Variants in CCNJL observed in about 807,000 individuals in gnomAD.
The protein encoded by CCNJL is cyclin-J-like protein.
A neutral mutation model predicts 33.4 loss-of-function variants in CCNJL; 33 were observed. That is an observed-to-expected ratio of 0.99 (90% CI 0.75 to 1.32). The LOEUF (loss-of-function observed/expected upper bound fraction) is 1.32, where lower values mean the gene tolerates loss of function less well. CCNJL is among the 40% of genes most tolerant of loss of function. The pLI is 0.00. For synonymous variants in CCNJL, 227 were observed against 220.9 expected, an observed-to-expected ratio of 1.03 and a Z score of -0.24; for missense variants, 512 against 499.7, an observed-to-expected ratio of 1.02 and a Z score of -0.23.
At chr5:160,280,424 G>T in intron 3 of CCNJL, 101 bp downstream of exon 3, 1 of 938,312 alleles carries the variant, frequency 1.1e-6, no homozygotes, top group East Asian at 2.4e-5. Context: ...CATATAAGAC[G>T]TGCAAAGATC....
At chr5:160,335,089 C>T (rs1411279604) in intron 1 of CCNJL, among the ~76,000 whole-genome samples, 3 of 152,302 alleles carry the variant, frequency 2.0e-5, no homozygotes, top group South Asian at 4.2e-4. Flanking sequence ...ATGGTGAAAT[C>T]CCATCTCTAC....
At chr5:160,273,325 C>T (rs1451192339) in intron 3 of CCNJL, among the ~76,000 whole-genome samples, 1 of 152,218 alleles carries the variant, frequency 6.6e-6, no homozygotes, top group East Asian at 1.9e-4. Flanking sequence ...ATTATAACTT[C>T]TGCCTGAACA....
intron 5 of CCNJL, 54 bp from the exon 6 acceptor site, chr5:160,253,852 G>C: frequency 7.3e-7 from 1 of 1,367,860 alleles, no homozygotes; most frequent in Non-Finnish European, 9.9e-7. Context: ...CCAGATGCCT[G>C]TGTGTGTCTC....
rs762796829 is a variant in CCNJL at position 160,311,896 on chromosome 5, G to A, written c.28C>T (p.Arg10Cys). Reference sequence around the variant, plus strand: ...GTGCAGTGGACGTCCGAGGCGACGCGCCCTTCCCACCACGGCTCATCCATC... The same window carrying A: ...GTGCAGTGGACGTCCGAGGCGACGCACCCTTCCCACCACGGCTCATCCATC... MMDEPWWEG[R>C]VASDVHCTLR... The change falls in exon 2 of 6, where the codon CGC becomes TGC. Residue 10 changes from arginine (R) to cysteine (C), a missense_variant. Arg to Cys is a radical substitution (Grantham distance 180). Coordinates refer to ENST00000257536, the MANE Select transcript of CCNJL (RefSeq NM_001308173.3). The A allele has an allele frequency of 6.2e-6, 10 of 1,614,160 alleles. No homozygotes were observed. The highest frequency in any genetic ancestry group is 8.5e-6 in the Non-Finnish European group (10 of 1,179,986).
At chr5:160,258,722 G>A in intron 4 of CCNJL, 1 of 700,020 alleles carries the variant, frequency 1.4e-6, no homozygotes, top group Non-Finnish European at 2.6e-6. Flanking sequence ...AAAAAAGACA[G>A]AGTCTCGCTC....
At chr5:160,322,784 C>CTGTA (rs888315458) in intron 1 of CCNJL, among the ~76,000 whole-genome samples, 6 of 150,912 alleles carry the variant, frequency 4.0e-5, no homozygotes, top group African/African-American at 1.5e-4. Context: ...CGCAGCGCAC[C>CTGTA]TGTAGTCCCA....
At chr5:160,302,749 T>C (rs1053795791) in intron 2 of CCNJL, among the ~76,000 whole-genome samples, 4 of 151,902 alleles carry the variant, frequency 2.6e-5, no homozygotes, top group African/African-American at 7.3e-5. Context: ...GAGGCAGAGG[T>C]TGCAGTGAGC....
At chr5:160,304,837 G>A (rs1196005742) in intron 2 of CCNJL, among the ~76,000 whole-genome samples, 2 of 113,224 alleles carry the variant, frequency 1.8e-5, no homozygotes, top group Admixed American at 8.4e-5. Context: ...TTTTTTTAGA[G>A]GAAATCTCGC....
chr5:160,303,096 C>T (rs1053791770), intron 2 of CCNJL, among the ~76,000 whole-genome samples: 5 of 152,102 alleles, frequency 3.3e-5, no homozygotes, highest in Non-Finnish European at 7.4e-5. Flanking sequence ...TTGATTGTTT[C>T]TAATTTTTTG....
intron 2 of CCNJL, among the ~76,000 whole-genome samples, chr5:160,284,572 C>G (rs916338739): frequency 2.6e-5 from 4 of 152,162 alleles, no homozygotes; most frequent in African/African-American, 9.7e-5. Context: ...CTCTGGGAGG[C>G]CCCATTGTCT....
At chr5:160,315,526 A>G (rs1009078265), upstream of CCNJL, 5 of 303,184 alleles carry the variant, frequency 1.6e-5, no homozygotes, top group Non-Finnish European at 3.6e-5. Flanking sequence ...AAACAAAAAC[A>G]AGAGAAAGAA....
intron 3 of CCNJL, chr5:160,274,808 G>C (rs1252566727): frequency 2.0e-5 from 3 of 152,586 alleles, no homozygotes; most frequent in Non-Finnish European, 2.9e-5. Flanking sequence ...AGAGGACAGA[G>C]GAAAACCACT....
At chr5:160,313,962 G>A (rs1763345861), upstream of CCNJL, among the ~76,000 whole-genome samples, 1 of 152,260 alleles carries the variant, frequency 6.6e-6, no homozygotes, top group African/African-American at 2.4e-5. Flanking sequence ...GAGGTCAGGA[G>A]TTTGAGACCA....
intron 4 of CCNJL, among the ~76,000 whole-genome samples, chr5:160,258,857 C>T (rs928221116): frequency 7.2e-5 from 11 of 152,138 alleles, no homozygotes; most frequent in South Asian, 2.1e-4. Context: ...CCACCACACC[C>T]GGTTAATATT....
chr5:160,327,145 A>G (rs1763548033), intron 1 of CCNJL, among the ~76,000 whole-genome samples: 1 of 152,068 alleles, frequency 6.6e-6, no homozygotes, highest in Admixed American at 6.5e-5. Flanking sequence ...CTCAAAGTCT[A>G]AAGTCAGATT....
chr5:160,315,386 A>C, upstream of CCNJL: 1 of 432,688 alleles, frequency 2.3e-6, no homozygotes, highest in Non-Finnish European at 4.6e-6. Flanking sequence ...ATACACCTGT[A>C]GTCTTAGCTG....
In CCNJL at chr5:160,251,367, T is replaced by G. The variant is rs1760797041; in HGVS notation, c.*2011A>C. The G allele has an allele frequency of 6.6e-6, 1 of 152,260 alleles. No homozygotes were observed. The highest frequency in any genetic ancestry group is 6.5e-5 in the Admixed American group (1 of 15,286). The allele number at this position is 152,260 out of a possible 1,614,324, so 9.4% of individuals were successfully genotyped here. A position where few individuals can be genotyped will look rare whatever the true frequency, so the allele number is the denominator to read the frequency against. On this transcript the variant is annotated 3_prime_UTR_variant, in exon 6 of 6. Coordinates refer to ENST00000257536, the MANE Select transcript of CCNJL (RefSeq NM_001308173.3). ...TTAGACCACAGCCTCTGCAATCACA[T>G]GAGCCAATTCCTTAAAATAAATCTC...
chr5:160,314,251 C>G (rs978303319), upstream of CCNJL, among the ~76,000 whole-genome samples: 5 of 152,182 alleles, frequency 3.3e-5, no homozygotes, highest in African/African-American at 1.2e-4. Flanking sequence ...ATAGTTAAAA[C>G]AGTGTAGTGT....
intron 3 of CCNJL, among the ~76,000 whole-genome samples, chr5:160,271,938 C>G (rs912403456): frequency 2.6e-4 from 40 of 152,214 alleles, no homozygotes; most frequent in Admixed American, 2.0e-3. Flanking sequence ...GGCGCTGCCA[C>G]GTTTCCTTGA....
Sources: allele counts gnomAD v4.1 joint callset (sites outside exome capture counted in the v4.1 genomes callset), GRCh38; gene constraint gnomAD v4.1.1; transcripts MANE v1.5; gene names NCBI Gene and HGNC (gene_info 2026-07-23, HGNC 2026-07-21).